Variants in NCOA2 observed in about 807,000 individuals in gnomAD.
NCOA2 encodes class E basic helix-loop-helix protein 75.
In NCOA2, 21 loss-of-function variants were observed where a neutral mutation model predicts 145.1. The ratio of observed to expected loss-of-function variants is 0.14; its 90% confidence interval spans 0.10 to 0.21. NCOA2 has a LOEUF of 0.21. Ranked by LOEUF, NCOA2 falls within the 10% of genes least tolerant of loss-of-function variation. The pLI, the probability that NCOA2 is intolerant of heterozygous loss-of-function variation, is 1.00. For missense variants in NCOA2, 1,472 were observed against 1,837.6 expected (o/e 0.80, Z 3.64); for synonymous variants, 619 against 637.5 (o/e 0.97, Z 0.44).
intron 4 of NCOA2, among the ~76,000 whole-genome samples, chr8:70,198,941 CTG>C (rs1817617028): frequency 6.6e-6 from 1 of 152,112 alleles, no homozygotes; most frequent in African/African-American, 2.4e-5. Context: ...GACAATGAAA[CTG>C]TAAGACGGGG....
chr8:70,130,775 T>G (rs1809006171), intron 16 of NCOA2, among the ~76,000 whole-genome samples: 1 of 152,140 alleles, frequency 6.6e-6, no homozygotes, highest in Admixed American at 6.5e-5. Flanking sequence ...GGCAGGTACT[T>G]TTTGGCAGTA....
intron 2 of NCOA2, among the ~76,000 whole-genome samples, chr8:70,219,189 C>T (rs1819918159): frequency 6.6e-6 from 1 of 152,138 alleles, no homozygotes; most frequent in African/African-American, 2.4e-5. Context: ...ATCATTTGAG[C>T]AGACTGTTTA....
intron 6 of NCOA2, among the ~76,000 whole-genome samples, chr8:70,168,970 T>C (rs1813932940): frequency 6.6e-6 from 1 of 152,180 alleles, no homozygotes; most frequent in Non-Finnish European, 1.5e-5. Context: ...AATTATCACA[T>C]AAAGGAAAAG....
chr8:70,283,144 G>C (rs925243709), intron 2 of NCOA2, among the ~76,000 whole-genome samples: 8 of 152,156 alleles, frequency 5.3e-5, no homozygotes, highest in Admixed American at 5.2e-4. Context: ...TGCTAACACT[G>C]GTATCTTCCT....
chr8:70,380,397 TCA>T (rs200062340), intron 1 of NCOA2, among the ~76,000 whole-genome samples: 1 of 151,754 alleles, frequency 6.6e-6, no homozygotes, highest in Non-Finnish European at 1.5e-5. Flanking sequence ...ACTCACTCAC[TCA>T]CACACACACA....
intron 2 of NCOA2, among the ~76,000 whole-genome samples, chr8:70,254,195 C>T (rs1017209680): frequency 6.6e-6 from 1 of 152,206 alleles, no homozygotes; most frequent in Non-Finnish European, 1.5e-5. Flanking sequence ...CAATAAGATA[C>T]TACCTCACAC....
intron 1 of NCOA2, among the ~76,000 whole-genome samples, chr8:70,369,742 T>A (rs1223648722): frequency 6.6e-6 from 1 of 152,194 alleles, no homozygotes; most frequent in Non-Finnish European, 1.5e-5. Flanking sequence ...TGTCAGGTTT[T>A]CACAAGACAA....
chr8:70,281,932 T>C (rs56093132), intron 2 of NCOA2, among the ~76,000 whole-genome samples: 4,050 of 152,308 alleles, frequency 0.027, 170 homozygotes, highest in African/African-American at 0.092. Flanking sequence ...AAGTGTATGA[T>C]ATAATTTCCT....
rs80140923 is a variant in NCOA2 at position 70,317,960 on chromosome 8, T to A, written c.-76-21160A>T. 3.9e-5 allele frequency among the ~76,000 whole-genome samples: 6 copies of A among 152,132 alleles called. No homozygotes were observed. In the East Asian group the frequency reaches 7.7e-4, roughly 20 times the overall value. ...AAAAAAATGAAGTTTTCAAAAAAAA[T>A]TGTTTATTGCCACTTTTAAGACACT... On this transcript the variant is annotated intron_variant, in intron 1 of 22. Coordinates refer to ENST00000452400, the MANE Select transcript of NCOA2 (RefSeq NM_006540.4).
intron 9 of NCOA2, among the ~76,000 whole-genome samples, chr8:70,160,659 C>CAGACAGAGAGAGAGAG (rs1554578912): frequency 2.3e-5 from 3 of 132,180 alleles, no homozygotes; most frequent in South Asian, 2.4e-4. Context: ...AAGTGAGAGA[C>CAGACAGAGAGAGAGAG]AGAGAGAGAG....
chr8:70,257,880 CAAA>C (rs555764379), intron 2 of NCOA2, among the ~76,000 whole-genome samples: 3 of 137,426 alleles, frequency 2.2e-5, no homozygotes. Flanking sequence ...GCAACAACAG[CAAA>C]AAAAAAAAAA....
chr8:70,163,673 G>C, intron 7 of NCOA2, 107 bp from the exon 8 acceptor site: 2 of 769,278 alleles, frequency 2.6e-6, no homozygotes, highest in Non-Finnish European at 2.2e-6. Flanking sequence ...AGCAGTAAGG[G>C]AGACAGTGAT....
the NCOA2 span, among the ~76,000 whole-genome samples, chr8:70,447,872 A>G: frequency 6.6e-6 from 1 of 151,738 alleles, no homozygotes; most frequent in Non-Finnish European, 1.5e-5. Flanking sequence ...TTTCTTAGAG[A>G]TGGGGTTTCT....
chr8:70,232,068 C>T (rs1408988330), intron 2 of NCOA2, among the ~76,000 whole-genome samples: 1 of 152,128 alleles, frequency 6.6e-6, no homozygotes, highest in East Asian at 1.9e-4. Flanking sequence ...ATAATCATGC[C>T]CTGAACCTTG....
chr8:70,435,964 T>C, the NCOA2 span, among the ~76,000 whole-genome samples: 2 of 152,136 alleles, frequency 1.3e-5, no homozygotes, highest in South Asian at 4.1e-4. Context: ...ACGTCTGACA[T>C]AGAAAACATT....
At chr8:70,162,248 C>G (rs924703262) in intron 9 of NCOA2, among the ~76,000 whole-genome samples, 1 of 152,152 alleles carries the variant, frequency 6.6e-6, no homozygotes, top group African/African-American at 2.4e-5. Flanking sequence ...TGAGACAAGT[C>G]GTGTCAACTT....
At chr8:70,358,084 C>A (rs567396024) in intron 1 of NCOA2, among the ~76,000 whole-genome samples, 27 of 151,750 alleles carry the variant, frequency 1.8e-4, no homozygotes, top group Admixed American at 1.5e-3. Context: ...ACAAAAAAAA[C>A]CCTACAAAAC....
intron 2 of NCOA2, among the ~76,000 whole-genome samples, chr8:70,249,906 T>C (rs1822968814): frequency 7.5e-6 from 1 of 133,960 alleles, no homozygotes; most frequent in Non-Finnish European, 1.5e-5. Flanking sequence ...GAGGTTGCAG[T>C]GAGCCGAGAT....
chr8:70,363,230 A>G (rs1810381343), intron 1 of NCOA2, among the ~76,000 whole-genome samples: 1 of 151,952 alleles, frequency 6.6e-6, no homozygotes. Flanking sequence ...AAAAATACAT[A>G]AAATTAGCCG....
Sources: gnomAD v4.1 joint callset for allele counts (sites outside exome capture counted in the v4.1 genomes callset) on GRCh38, gnomAD v4.1.1 for gene constraint, MANE v1.5 for transcripts, NCBI Gene and HGNC (gene_info 2026-07-23, HGNC 2026-07-21) for gene names.